MILR1: variants seen among roughly 807,000 people sequenced by gnomAD.
The protein encoded by MILR1 is allergin-1.
In MILR1, 31 loss-of-function variants were observed where a neutral mutation model predicts 18.5. The observed-to-expected ratio is 1.68, with a 90% CI of 1.26 to 2.26. The LOEUF (loss-of-function observed/expected upper bound fraction) is 2.26, where lower values mean the gene tolerates loss of function less well. MILR1 is among the 30% of genes most tolerant of loss of function. The probability of loss-of-function intolerance (pLI) is 0.00; values close to 1 mark genes in which losing one functional copy is unlikely to be tolerated. For missense variants in MILR1, 257 were observed against 157.4 expected (o/e 1.63, Z -3.38); for synonymous variants, 85 against 56.2 (o/e 1.51, Z -2.30).
At chr17:64,475,189 A>G in the MILR1 span, among the ~76,000 whole-genome samples, 1 of 151,736 alleles carries the variant, frequency 6.6e-6, no homozygotes, top group Admixed American at 6.6e-5. Context: ...GTCTCAAGAA[A>G]AAAAAAAAAA....
the MILR1 span, chr17:64,481,171 A>G: frequency 3.5e-6 from 2 of 574,688 alleles, no homozygotes; most frequent in African/African-American, 2.0e-5. Flanking sequence ...CTCTCCAGAC[A>G]TTACTAAATG....
chr17:64,458,946 G>C (rs2037362756), intron 4 of MILR1, among the ~76,000 whole-genome samples: 1 of 152,162 alleles, frequency 6.6e-6, no homozygotes, highest in African/African-American at 2.4e-5. Flanking sequence ...GTGGGCTGGG[G>C]CGTCCACGTG....
chr17:64,482,801 T>G, the MILR1 span: 1 of 679,028 alleles, frequency 1.5e-6, no homozygotes, highest in Non-Finnish European at 2.7e-6. Context: ...TTTGGATTTT[T>G]GGATTAGAGA....
the MILR1 span, among the ~76,000 whole-genome samples, chr17:64,493,679 G>C: frequency 1.3e-5 from 2 of 151,976 alleles, no homozygotes; most frequent in Non-Finnish European, 2.9e-5. Flanking sequence ...GTAGAGACGG[G>C]GTTTCACCGT....
Position 64,451,221 on chromosome 17 carries a change from G to A in MILR1, c.98-1376G>A, listed in dbSNP as rs1304816374. On this transcript the variant is annotated intron_variant, in intron 2 of 9. Transcript: ENST00000619286. The stretch of plus-strand genomic sequence containing the variant: ...TGCAGTGGTGCGATCTTAGCTTTCC[G>A]CAGCCTCGACCTTCCAAGCTCAATT... 3.3e-5 allele frequency among the ~76,000 whole-genome samples: 5 copies of A among 151,660 alleles called. No homozygotes were observed. In the South Asian group the frequency reaches 6.3e-4, roughly 19 times the overall value.
At chr17:64,468,930 C>CA (rs1364726884), downstream of MILR1, among the ~76,000 whole-genome samples, 39 of 151,856 alleles carry the variant, frequency 2.6e-4, no homozygotes, top group Admixed American at 3.9e-4. Flanking sequence ...ACTAAAAATA[C>CA]AAAAAAATTA....
At chr17:64,491,926 GA>G in the MILR1 span, 109 of 82,024 alleles carry the variant, frequency 1.3e-3, no homozygotes, top group South Asian at 4.2e-3. Context: ...TGGTACTTGT[GA>G]AAAAAAAAAA....
Position 64,452,652 on chromosome 17 carries a change from T to C in MILR1, c.153T>C (p.Asn51=). ...CTAAGGTGGTTATGAAGGGTCAAAA[T>C]GTATCTATGTTTTGTTCCCATAAGA... ...SKTKVVMKGQ[N]VSMFCSHKNK... is the part of the protein sequence containing the mutation. Residue 51 remains asparagine, a synonymous_variant, in exon 3 of 10, where the codon AAT becomes AAC. Coordinates refer to ENST00000619286, the MANE Select transcript of MILR1 (RefSeq NM_001085423.2). 3 of 456,944 alleles carry C rather than the reference T, an allele frequency of 6.6e-6. No individual in the cohort carries two copies. Among genetic ancestry groups the C allele is most frequent in the Admixed American group, 3.6e-5 (1 of 27,944 alleles). 28.3% of individuals were successfully genotyped at this position (456,944 alleles called of 1,614,324 possible).
At chr17:64,457,157 C>T (rs1162102772) in intron 3 of MILR1, among the ~76,000 whole-genome samples, 9 of 152,154 alleles carry the variant, frequency 5.9e-5, no homozygotes, top group South Asian at 4.1e-4. Flanking sequence ...CAGAGAGATG[C>T]CCTCCACTCT....
At chr17:64,482,997 T>C in the MILR1 span, 1 of 1,575,878 alleles carries the variant, frequency 6.3e-7, no homozygotes, top group South Asian at 1.1e-5. Flanking sequence ...GAAGTTTAAG[T>C]ACCTAAGGCA....
the MILR1 span, among the ~76,000 whole-genome samples, chr17:64,481,938 T>G: frequency 6.9e-5 from 10 of 145,614 alleles, no homozygotes; most frequent in Non-Finnish European, 1.3e-4. Context: ...TTCACTAACA[T>G]GTGTACAAAT....
chr17:64,493,004 C>G, the MILR1 span: 1 of 1,614,106 alleles, frequency 6.2e-7, no homozygotes, highest in East Asian at 2.2e-5. Flanking sequence ...AGGCAATTAA[C>G]ATAGTGTTCC....
chr17:64,460,210 G>C (rs1338705733), intron 4 of MILR1, among the ~76,000 whole-genome samples: 1 of 151,902 alleles, frequency 6.6e-6, no homozygotes, highest in African/African-American at 2.4e-5. Context: ...ATTTTGGGTA[G>C]AGACAGGGTT....
intron 6 of MILR1, among the ~76,000 whole-genome samples, chr17:64,465,830 T>C (rs1234738740): frequency 6.6e-6 from 1 of 152,152 alleles, no homozygotes; most frequent in African/African-American, 2.4e-5. Flanking sequence ...TGGAGATTTT[T>C]CACATCTGTT....
intron 5 of MILR1, among the ~76,000 whole-genome samples, chr17:64,464,740 T>C (rs1486191512): frequency 6.6e-6 from 1 of 152,104 alleles, no homozygotes; most frequent in African/African-American, 2.4e-5. Flanking sequence ...CTGGCTAACA[T>C]GGTGAAGCCC....
At chr17:64,481,158 A>G in the MILR1 span, 46 of 513,600 alleles carry the variant, frequency 9.0e-5, no homozygotes, top group Non-Finnish European at 1.1e-4. Flanking sequence ...GACAACCACA[A>G]ATCTCTCCAG....
the MILR1 span, among the ~76,000 whole-genome samples, chr17:64,489,548 C>T: frequency 2.0e-5 from 3 of 151,090 alleles, no homozygotes; most frequent in East Asian, 2.0e-4. Flanking sequence ...ATTGTTTCAT[C>T]CCAGGAGTTC....
chr17:64,490,470 G>A, the MILR1 span: 78 of 344,238 alleles, frequency 2.3e-4, 1 homozygote, highest in Non-Finnish European at 3.5e-4. Flanking sequence ...CTTCAAAAAT[G>A]TCAAGGTCAC....
the MILR1 span, chr17:64,477,858 A>G: frequency 6.2e-7 from 1 of 1,609,720 alleles, no homozygotes; most frequent in Non-Finnish European, 8.5e-7. Context: ...TACTTAATCA[A>G]AAAGTCTTTT....
Sources: allele counts gnomAD v4.1 joint callset (sites outside exome capture counted in the v4.1 genomes callset), GRCh38; gene constraint gnomAD v4.1.1; transcripts MANE v1.5; gene names NCBI Gene and HGNC (gene_info 2026-07-23, HGNC 2026-07-21).